Variants in NFXL1 observed in about 807,000 individuals in gnomAD.
NFXL1 encodes NF-X1-type zinc finger protein NFXL1.
A neutral mutation model predicts 123.3 loss-of-function variants in NFXL1; 66 were observed. That is an observed-to-expected ratio of 0.54 (90% confidence interval 0.44 to 0.66). The LOEUF (loss-of-function observed/expected upper bound fraction) is 0.66. NFXL1 is among the 30% of genes least tolerant of loss of function. NFXL1 has a pLI of 0.00. For missense variants in NFXL1, 944 were observed against 1,125.6 expected, an observed-to-expected ratio of 0.84 and a Z score of 2.31; for synonymous variants, 346 against 360.8, an observed-to-expected ratio of 0.96 and a Z score of 0.46.
Position 47,899,032 on chromosome 4 carries a change from T to C in NFXL1, c.915A>G (p.Glu305=). Residue 305 remains glutamate (E), a synonymous_variant, in exon 7 of 23, where the codon GAA becomes GAG. Transcript: ENST00000507489. ...GTCCACATGGCAGCTGACAAGACCATTCCTTGGCACTGCACCTACGAGGGA... is the reference window on the plus strand; with the variant it reads ...GTCCACATGGCAGCTGACAAGACCACTCCTTGGCACTGCACCTACGAGGGA... ...KPIPRRCSAK[E]WSCQLPCGQK... is the part of the protein sequence containing the mutation. The C allele has an allele frequency of 6.2e-7, 1 of 1,613,626 alleles. No homozygotes were observed. Among genetic ancestry groups the C allele is most frequent in the Non-Finnish European group, 8.5e-7 (1 of 1,179,868 alleles).
At chr4:47,852,429 C>T (rs1296261462) in intron 20 of NFXL1, among the ~76,000 whole-genome samples, 1 of 152,110 alleles carries the variant, frequency 6.6e-6, no homozygotes, top group Non-Finnish European at 1.5e-5. Context: ...ATTTTTAATA[C>T]TGTTTTATGC....
intron 22 of NFXL1, among the ~76,000 whole-genome samples, chr4:47,848,728 A>C (rs550810557): frequency 2.0e-5 from 3 of 152,122 alleles, no homozygotes; most frequent in Non-Finnish European, 4.4e-5. Flanking sequence ...TCTATACTAA[A>C]AATACAAAAA....
At chr4:47,877,002 C>A in intron 17 of NFXL1, 1 of 1,159,326 alleles carries the variant, frequency 8.6e-7, no homozygotes, top group Non-Finnish European at 1.1e-6. Context: ...CAAAAAGAAC[C>A]AAAGTTCACC....
At position 47,855,061 on chromosome 4, in the gene NFXL1, TTTTTATTCTTTTACAAGGACATC is replaced by T; in HGVS notation, c.2396_2418del (p.Arg799LysfsTer10). 1 of 1,365,122 alleles carries T rather than the reference TTTTTATTCTTTTACAAGGACATC, an allele frequency of 7.3e-7. No homozygotes were observed. The highest frequency in any genetic ancestry group is 1.0e-6 in the Non-Finnish European group (1 of 975,124). 84.6% of individuals were successfully genotyped at this position (1,365,122 alleles called of 1,614,324 possible). ...TTTCAATAACTTAAAATATTTACCT[TTTTTATTCTTTTACAAGGACATC>T]TAAGTTTTACCTTCTGGTTGCAGTT... On this transcript the variant is annotated frameshift_variant, in exon 20 of 23. Coordinates refer to ENST00000507489, the MANE Select transcript of NFXL1 (RefSeq NM_001278624.2). LOFTEE classifies it high-confidence loss of function.
chr4:47,909,722 A>C (rs1324710465), intron 3 of NFXL1, among the ~76,000 whole-genome samples: 1 of 151,406 alleles, frequency 6.6e-6, no homozygotes, highest in Non-Finnish European at 1.5e-5. Flanking sequence ...GCAGTGGCGC[A>C]ATCTCAGCTC....
chr4:47,889,341 T>C (rs1652687427), intron 12 of NFXL1, among the ~76,000 whole-genome samples: 1 of 152,206 alleles, frequency 6.6e-6, no homozygotes, highest in Non-Finnish European at 1.5e-5. Context: ...AAACTATTTC[T>C]AAACTTCACT....
intron 5 of NFXL1, among the ~76,000 whole-genome samples, chr4:47,902,205 A>C (rs1295224963): frequency 6.6e-6 from 1 of 152,140 alleles, no homozygotes; most frequent in Non-Finnish European, 1.5e-5. Flanking sequence ...ATTAAAATAA[A>C]AAAAAAATTT....
chr4:47,898,174 A>G (rs1737201139), intron 8 of NFXL1, 93 bp from the exon 9 acceptor site: 1 of 609,608 alleles, frequency 1.6e-6, no homozygotes, highest in Non-Finnish European at 2.7e-6. Flanking sequence ...AATCACAAAT[A>G]AACAACTGCT....
intron 20 of NFXL1, among the ~76,000 whole-genome samples, chr4:47,852,410 A>C (rs1734171423): frequency 6.6e-6 from 1 of 152,134 alleles, no homozygotes; most frequent in African/African-American, 2.4e-5. Flanking sequence ...AGTGAAAATG[A>C]GGAACCAAAT....
intron 11 of NFXL1, among the ~76,000 whole-genome samples, chr4:47,892,381 G>A (rs963496640): frequency 1.3e-5 from 2 of 152,194 alleles, no homozygotes. Context: ...TGCAGAGAAG[G>A]CAGCAGTACA....
intron 4 of NFXL1, among the ~76,000 whole-genome samples, chr4:47,904,202 G>A (rs1379055671): frequency 6.6e-6 from 1 of 152,062 alleles, no homozygotes; most frequent in South Asian, 2.1e-4. Flanking sequence ...AATCCTCCAG[G>A]GGACCCTCTG....
At chr4:47,865,615 A>G (rs767140092) in intron 18 of NFXL1, among the ~76,000 whole-genome samples, 1 of 152,216 alleles carries the variant, frequency 6.6e-6, no homozygotes, top group African/African-American at 2.4e-5. Flanking sequence ...CTAAAATCAC[A>G]ACAGAAAAAG....
chr4:47,913,910 T>C, intron 2 of NFXL1, 59 bp downstream of exon 2: 1 of 1,252,540 alleles, frequency 8.0e-7, no homozygotes, highest in South Asian at 1.4e-5. Flanking sequence ...GAGGCGGTCC[T>C]GACTAGTAAC....
intron 10 of NFXL1, 44 bp from the exon 11 acceptor site, chr4:47,894,346 T>A: frequency 2.1e-6 from 3 of 1,459,834 alleles, no homozygotes; most frequent in Non-Finnish European, 2.8e-6. Context: ...TTTTTGTTAA[T>A]ATTTTTTCCT....
chr4:47,890,395 TC>T (rs1394458965), intron 12 of NFXL1, among the ~76,000 whole-genome samples: 3 of 152,230 alleles, frequency 2.0e-5, no homozygotes. Context: ...ACTAGACATT[TC>T]CCTGAGTAAG....
rs1054947376 is a variant in NFXL1 at position 47,896,414 on chromosome 4, G to A, written c.1329+109C>T. 4 of 784,716 alleles carry A rather than the reference G, an allele frequency of 5.1e-6. No homozygotes were observed. The African/African-American group carries it at 6.9e-5, about 13-fold the overall frequency. The allele number at this position is 784,716 out of a possible 1,614,324, so 48.6% of individuals were successfully genotyped here. A position where few individuals can be genotyped will look rare whatever the true frequency, so the allele number is the denominator to read the frequency against. ...AGGTCACTAAATTCATATACATCAT[G>A]ACACAGATGTATATGAAAATAAGTA... On this transcript the variant is annotated intron_variant, in intron 10 of 22. Transcript: ENST00000507489.
intron 19 of NFXL1, among the ~76,000 whole-genome samples, chr4:47,858,550 G>A (rs943294903): frequency 2.0e-5 from 3 of 152,170 alleles, no homozygotes; most frequent in Non-Finnish European, 4.4e-5. Context: ...GTGGACTACA[G>A]CATGTAGCTG....
chr4:47,880,807 TAAAAAAAAAAAA>T (rs57880960), intron 15 of NFXL1, among the ~76,000 whole-genome samples: 1 of 78,834 alleles, frequency 1.3e-5, no homozygotes, highest in Non-Finnish European at 2.5e-5. Context: ...AATTAATGAG[TAAAAAAAAAAAA>T]AAAAAAAAAA....
chr4:47,857,945 A>C (rs1220825972), intron 19 of NFXL1, among the ~76,000 whole-genome samples: 1 of 152,104 alleles, frequency 6.6e-6, no homozygotes, highest in Non-Finnish European at 1.5e-5. Context: ...GAATCTGTGA[A>C]TTGCTCCCCA....
Sources: gnomAD v4.1 joint callset for allele counts (sites outside exome capture counted in the v4.1 genomes callset) on GRCh38, gnomAD v4.1.1 for gene constraint, MANE v1.5 for transcripts, NCBI Gene and HGNC (gene_info 2026-07-23, HGNC 2026-07-21) for gene names.